Variants in SLC6A3 observed in about 807,000 individuals in gnomAD.
The protein encoded by SLC6A3 is solute carrier family 6 member 3.
SLC6A3 carries 19 observed loss-of-function variants against 70.4 expected under a neutral mutation model. That is an observed-to-expected ratio of 0.27 (90% CI 0.19 to 0.40). The LOEUF (loss-of-function observed/expected upper bound fraction) is 0.40, where lower values mean the gene tolerates loss of function less well. Among genes scored for constraint, SLC6A3 ranks in the 10% least tolerant of loss-of-function variants. The pLI, the probability that SLC6A3 is intolerant of heterozygous loss-of-function variation, is 1.00. For synonymous variants in SLC6A3, 368 were observed against 356.6 expected, an observed-to-expected ratio of 1.03 and a Z score of -0.36; for missense variants, 613 against 838.5, an observed-to-expected ratio of 0.73 and a Z score of 3.32.
rs1366467557 is a variant in SLC6A3, at chr5:1,394,805, T to C, written c.1840-47A>G. On this transcript the variant is annotated intron_variant, in intron 14 of 14. Transcript: ENST00000270349. This position sits in a 1 kb window ranked among gnomAD's most constrained non-coding sequence, Gnocchi z 4.7. The stretch of plus-strand genomic sequence containing the variant: ...TCAGAAACCCTGGGGCGATGCCCCA[T>C]TTAAGAGCAGCTGAAGGTGGCTAAG... 6.2e-7 allele frequency: 1 copy of C among 1,606,012 alleles called. No homozygotes were observed. Among genetic ancestry groups the C allele is most frequent in the African/African-American group, 1.3e-5 (1 of 74,756 alleles).
intron 4 of SLC6A3, among the ~76,000 whole-genome samples, chr5:1,423,479 A>T (rs1756510238): frequency 6.6e-6 from 1 of 152,228 alleles, no homozygotes; most frequent in Non-Finnish European, 1.5e-5. Flanking sequence ...TTCTGAGGGG[A>T]TGGCTCACGA....
intron 4 of SLC6A3, 44 bp from the exon 5 acceptor site, chr5:1,422,058 C>A (rs1756449602): frequency 3.0e-5 from 48 of 1,598,404 alleles, no homozygotes; most frequent in Non-Finnish European, 4.0e-5. Flanking sequence ...TGGCTGTCAA[C>A]CCACCTGGAA....
At chr5:1,433,746 TGGCCACCCACATCCATCCAC>T (rs1756763336) in intron 3 of SLC6A3, among the ~76,000 whole-genome samples, 1 of 149,544 alleles carries the variant, frequency 6.7e-6, no homozygotes, top group Admixed American at 6.6e-5. Context: ...CAACCATTCA[TGGCCACCCACATCCATCCAC>T]GGCCATCCAC....
chr5:1,423,819 G>A (rs762368961), intron 4 of SLC6A3, among the ~76,000 whole-genome samples: 20 of 152,346 alleles, frequency 1.3e-4, no homozygotes, highest in Non-Finnish European at 2.6e-4. Context: ...CGCTGCCACC[G>A]TAGAGTCAGG....
In SLC6A3 at chr5:1,421,811, C is replaced by T; in HGVS notation, c.792+65G>A. ...GCCACACGTGCACCTCCTGTCCAGC[C>T]ACGGCCACATGTCCACTTGGTGGCC... On this transcript the variant is annotated intron_variant, in intron 5 of 14. Transcript: ENST00000270349. The surrounding 1 kb of genome is among the most constrained non-coding windows in gnomAD (Gnocchi z 7.2). 1 of 1,580,714 alleles carries T rather than the reference C, an allele frequency of 6.3e-7. No homozygotes were observed. The highest frequency in any genetic ancestry group is 8.7e-7 in the Non-Finnish European group (1 of 1,152,168).
intron 4 of SLC6A3, among the ~76,000 whole-genome samples, chr5:1,426,589 C>A (rs1756580980): frequency 1.3e-5 from 2 of 152,112 alleles, no homozygotes; most frequent in Admixed American, 1.3e-4. Context: ...TATATCCATA[C>A]AATGGAATTG....
In SLC6A3 at chr5:1,394,728, G is replaced by A. The variant is rs1384481416; in HGVS notation, c.*7C>T. ...ATGACTTCCTGGGGTCTTCGTCTCTGCTCCCTCTACACCTTGAGCCAGTGG... is the reference window on the plus strand; with the variant it reads ...ATGACTTCCTGGGGTCTTCGTCTCTACTCCCTCTACACCTTGAGCCAGTGG... On this transcript the variant is annotated 3_prime_UTR_variant, in exon 15 of 15. Coordinates refer to ENST00000270349, the MANE Select transcript of SLC6A3 (RefSeq NM_001044.5). The surrounding 1 kb of genome is among the most constrained non-coding windows in gnomAD (Gnocchi z 4.7). The A allele has an allele frequency of 6.2e-7, 1 of 1,613,722 alleles. No individual in the cohort carries two copies. The highest frequency in any genetic ancestry group is 1.3e-5 in the African/African-American group (1 of 74,880).
chr5:1,409,200 G>T, intron 10 of SLC6A3, 75 bp from the exon 11 acceptor site: 1 of 1,095,748 alleles, frequency 9.1e-7, no homozygotes, highest in Non-Finnish European at 1.4e-6. Context: ...GATTCACTGT[G>T]CACACAAATT....
At position 1,394,460 on chromosome 5, in the gene SLC6A3, A is replaced by T; in HGVS notation, c.*275T>A. On this transcript the variant is annotated 3_prime_UTR_variant, in exon 15 of 15. Transcript: ENST00000270349. The surrounding 1 kb of genome is among the most constrained non-coding windows in gnomAD (Gnocchi z 4.7). ...CCTCACACAGACAGCATGAAGTTAGACGTTTTTCTGCCCTGCAGGGACAAC... is the reference window on the plus strand; with the variant it reads ...CCTCACACAGACAGCATGAAGTTAGTCGTTTTTCTGCCCTGCAGGGACAAC... 1 of 580,692 alleles carries T rather than the reference A, an allele frequency of 1.7e-6. No homozygotes were observed. The highest frequency in any genetic ancestry group is 3.1e-6 in the Non-Finnish European group (1 of 323,688). The allele number at this position is 580,692 out of a possible 1,614,324, so 36.0% of individuals were successfully genotyped here.
intron 6 of SLC6A3, among the ~76,000 whole-genome samples, chr5:1,417,109 C>A (rs981046490): frequency 1.1e-4 from 17 of 152,072 alleles, no homozygotes; most frequent in African/African-American, 4.1e-4. Context: ...ATCCCATGTG[C>A]GCCCTGCTGC....
At chr5:1,400,178 G>T (rs1293315930) in intron 14 of SLC6A3, among the ~76,000 whole-genome samples, 1 of 152,244 alleles carries the variant, frequency 6.6e-6, no homozygotes, top group Non-Finnish European at 1.5e-5. Flanking sequence ...CTGGGGTGGA[G>T]GAGGACAGTG....
At position 1,409,054 on chromosome 5, in the gene SLC6A3, G is replaced by A. The variant is rs8179034; in HGVS notation, c.1470C>T (p.Ile490=). Residue 490 remains isoleucine, a synonymous_variant, in exon 11 of 15, where the codon ATC becomes ATT. Coordinates refer to ENST00000270349, the MANE Select transcript of SLC6A3 (RefSeq NM_001044.5). The stretch of plus-strand genomic sequence containing the variant: ...AGAACCAGGCCACTCCGATGGCTTC[G>A]ATGAGCACTCCAAAGAGGATGGACG... ...AGTSILFGVL[I]EAIGVAWFYG... 414 of 1,612,906 alleles carry A rather than the reference G, an allele frequency of 2.6e-4. 1 individual carries two copies. In the African/African-American group the frequency reaches 4.5e-3, roughly 17 times the overall value.
intron 8 of SLC6A3, among the ~76,000 whole-genome samples, chr5:1,414,031 T>A (rs1057285068): frequency 2.0e-5 from 3 of 152,066 alleles, no homozygotes; most frequent in African/African-American, 7.2e-5. Context: ...GCAGGGACAC[T>A]CAGCGTCATG....
chr5:1,423,210 CTGGG>C lies in SLC6A3; in HGVS notation c.654-1200_654-1197del, dbSNP rs1480436995. Among the ~76,000 whole-genome samples the C allele has an allele frequency of 1.4e-4, 14 of 100,268 alleles. 1 individual carries two copies. Among genetic ancestry groups the C allele is most frequent in the South Asian group, 9.0e-4 (2 of 2,216 alleles). 65.8% of individuals were successfully genotyped at this position (100,268 alleles called of 152,430 possible). A position where few individuals can be genotyped will look rare whatever the true frequency, so the allele number is the denominator to read the frequency against. On this transcript the variant is annotated intron_variant, in intron 4 of 14. Transcript: ENST00000270349. ...CTGCTGCCCAGTGCTGCCCATGGTG[CTGGG>C]TACCCACCGCTGCCCACGGTGCTGC...
intron 10 of SLC6A3, 36 bp downstream of exon 10, chr5:1,409,685 T>A (rs773491992): frequency 2.1e-5 from 34 of 1,611,974 alleles, no homozygotes; most frequent in Middle Eastern, 3.3e-4. Flanking sequence ...TAAGGAGACA[T>A]GACCAGGAGA....
chr5:1,424,125 C>T (rs938019879), intron 4 of SLC6A3, among the ~76,000 whole-genome samples: 7 of 152,236 alleles, frequency 4.6e-5, no homozygotes, highest in Non-Finnish European at 1.0e-4. Flanking sequence ...GGCAGAGGCC[C>T]CAGGTTGGCA....
intron 11 of SLC6A3, among the ~76,000 whole-genome samples, chr5:1,407,518 C>A (rs548520270): frequency 6.6e-6 from 1 of 152,226 alleles, no homozygotes; most frequent in African/African-American, 2.4e-5. Flanking sequence ...CGGCGTATTC[C>A]GGCACATCTT....
At chr5:1,403,630 A>G (rs937869147) in intron 12 of SLC6A3, among the ~76,000 whole-genome samples, 6 of 151,886 alleles carry the variant, frequency 4.0e-5, no homozygotes, top group African/African-American at 1.5e-4. Context: ...ACCACCACCC[A>G]GTACACTGAA....
intron 3 of SLC6A3, among the ~76,000 whole-genome samples, chr5:1,433,445 C>G (rs1231726880): frequency 1.3e-5 from 2 of 152,294 alleles, no homozygotes; most frequent in South Asian, 2.1e-4. Context: ...CCAGGCTAAT[C>G]CAGGGCCACT....
Sources: gnomAD v4.1 joint callset for allele counts (sites outside exome capture counted in the v4.1 genomes callset) on GRCh38, gnomAD v4.1.1 for gene constraint, Gnocchi (gnomAD v3.1) non-coding constraint, MANE v1.5 for transcripts, NCBI Gene and HGNC (gene_info 2026-07-23, HGNC 2026-07-21) for gene names.